TENM3: variants seen among roughly 807,000 people sequenced by gnomAD.
TENM3 encodes teneurin-3.
Under a neutral mutation model 255.1 loss-of-function variants are expected in TENM3, and 63 were observed. The ratio of observed to expected loss-of-function variants is 0.25; its 90% CI spans 0.20 to 0.30. The LOEUF is 0.30. TENM3 is among the 10% of genes least tolerant of loss of function. TENM3 has a pLI of 1.00. For missense variants in TENM3, 2,929 were observed against 3,461.1 expected, an observed-to-expected ratio of 0.85 and a Z score of 3.86; for synonymous variants, 1,306 against 1,322.3, an observed-to-expected ratio of 0.99 and a Z score of 0.27.
rs570179925 is a variant in TENM3 at position 182,401,964 on chromosome 4, A to G, written c.511+55035A>G. The stretch of plus-strand genomic sequence containing the variant: ...GACCCCTTTAGCTTTTGACCAGCCT[A>G]CTTCACTGTAAGTCTTCTTATCTGT... On this transcript the variant is annotated intron_variant, in intron 3 of 27. Coordinates refer to ENST00000511685, the MANE Select transcript of TENM3 (RefSeq NM_001080477.4). Among the ~76,000 whole-genome samples, 11 of 152,298 alleles carry G rather than the reference A, an allele frequency of 7.2e-5. No homozygotes were observed. In the East Asian group the frequency reaches 1.9e-3, roughly 27 times the overall value.
intron 25 of TENM3, among the ~76,000 whole-genome samples, chr4:182,791,642 G>A (rs560957920): frequency 6.6e-6 from 1 of 152,246 alleles, no homozygotes; most frequent in East Asian, 1.9e-4. Flanking sequence ...CAATTTGCCT[G>A]TATGTGTATA....
At chr4:182,398,882 A>C (rs2151018792) in intron 3 of TENM3, among the ~76,000 whole-genome samples, 1 of 152,294 alleles carries the variant, frequency 6.6e-6, no homozygotes, top group South Asian at 2.1e-4. Context: ...GTGATTTGGG[A>C]GTTAAAAAAT....
In TENM3 at chr4:182,403,595, CTTT is replaced by C. The variant is rs376602156; in HGVS notation, c.511+56668_511+56670del. On this transcript the variant is annotated intron_variant, in intron 3 of 27. Transcript: ENST00000511685. ...TCTATTCTTCTGCAAAGAAAATTAG[CTTT>C]TATCTGTTTTTCTAGAAGTAGTGAT... is the stretch of plus-strand genomic sequence containing the variant. 6.2e-3 allele frequency among the ~76,000 whole-genome samples: 945 copies of C among 152,248 alleles called. 9 individuals carry two copies. Among genetic ancestry groups the C allele is most frequent in the African/African-American group, 0.021 (867 of 41,538 alleles).
the TENM3 span, among the ~76,000 whole-genome samples, chr4:181,459,014 A>G: frequency 6.6e-6 from 1 of 151,938 alleles, no homozygotes; most frequent in African/African-American, 2.4e-5. Flanking sequence ...TGGCATTTGA[A>G]TGAGGAATAT....
chr4:182,172,641 G>A (rs1354515084), intron 1 of TENM3, among the ~76,000 whole-genome samples: 5 of 151,968 alleles, frequency 3.3e-5, no homozygotes, highest in Admixed American at 1.3e-4. Context: ...CTGAAAAACC[G>A]AGAAACTATA....
At chr4:181,482,340 C>T in the TENM3 span, among the ~76,000 whole-genome samples, 1 of 152,056 alleles carries the variant, frequency 6.6e-6, no homozygotes, top group Non-Finnish European at 1.5e-5. Context: ...TTCTGTTGGC[C>T]TTAACTTCCA....
chr4:181,546,377 A>AT, the TENM3 span, among the ~76,000 whole-genome samples: 2 of 152,254 alleles, frequency 1.3e-5, no homozygotes, highest in South Asian at 4.1e-4. Flanking sequence ...CATTAAACAC[A>AT]TTTATTATCA....
the TENM3 span, among the ~76,000 whole-genome samples, chr4:181,673,845 GGTGTGTGTGTGTGT>G: frequency 7.3e-5 from 10 of 137,428 alleles, no homozygotes; most frequent in East Asian, 2.1e-4. Flanking sequence ...AGAAGTGTGT[GGTGTGTGTGTGTGT>G]GTGTGTGTGT....
At chr4:182,194,374 T>G (rs1753710007) in intron 1 of TENM3, among the ~76,000 whole-genome samples, 1 of 152,184 alleles carries the variant, frequency 6.6e-6, no homozygotes, top group African/African-American at 2.4e-5. Context: ...ACCTTCGGTA[T>G]TTACACTAAT....
At chr4:181,814,335 C>T in the TENM3 span, among the ~76,000 whole-genome samples, 1 of 151,984 alleles carries the variant, frequency 6.6e-6, no homozygotes, top group African/African-American at 2.4e-5. Flanking sequence ...AAAATAGTAG[C>T]CATAAACCAG....
chr4:182,428,754 T>G (rs1489502353), intron 3 of TENM3, among the ~76,000 whole-genome samples: 2 of 152,268 alleles, frequency 1.3e-5, no homozygotes, highest in East Asian at 3.9e-4. Flanking sequence ...AAATACCTTA[T>G]TTTGTTAAAA....
the TENM3 span, among the ~76,000 whole-genome samples, chr4:181,466,100 G>A: frequency 6.9e-6 from 1 of 144,132 alleles, no homozygotes; most frequent in Non-Finnish European, 1.5e-5. Context: ...AGGAGCCTGA[G>A]TCTCCAGGAA....
chr4:181,933,194 A>G, the TENM3 span, among the ~76,000 whole-genome samples: 51 of 152,236 alleles, frequency 3.4e-4, no homozygotes, highest in African/African-American at 1.1e-3. Context: ...GTGTGACTGC[A>G]TGAACGTTTC....
chr4:182,770,196 C>A (rs950604842), intron 22 of TENM3, among the ~76,000 whole-genome samples: 1 of 151,468 alleles, frequency 6.6e-6, no homozygotes, highest in Non-Finnish European at 1.5e-5. Context: ...CCTTATGAAA[C>A]GATGGGAGTA....
the TENM3 span, among the ~76,000 whole-genome samples, chr4:181,805,284 T>C: frequency 6.6e-6 from 1 of 152,014 alleles, no homozygotes; most frequent in East Asian, 2.0e-4. Flanking sequence ...CGCTCCAGTC[T>C]CCCCTGTGAC....
chr4:182,190,444 C>T (rs1256461197), intron 1 of TENM3: 1 of 152,204 alleles, frequency 6.6e-6, no homozygotes, highest in Non-Finnish European at 1.5e-5. Context: ...TTTCTGGCTC[C>T]TCATTCAGTG....
chr4:181,588,439 A>G, the TENM3 span, among the ~76,000 whole-genome samples: 2 of 152,190 alleles, frequency 1.3e-5, no homozygotes, highest in African/African-American at 2.4e-5. Context: ...AGAGCAGGGG[A>G]AAAAAGTGAG....
intron 1 of TENM3, among the ~76,000 whole-genome samples, chr4:182,179,530 C>T (rs1752716036): frequency 6.6e-6 from 1 of 152,108 alleles, no homozygotes; most frequent in Admixed American, 6.5e-5. Context: ...TATAATAGAA[C>T]TAAAATTTTT....
At chr4:181,518,009 T>C in the TENM3 span, among the ~76,000 whole-genome samples, 1 of 152,086 alleles carries the variant, frequency 6.6e-6, no homozygotes. Context: ...AGTAATCTTG[T>C]TGTATTTGTG....
Sources: allele counts gnomAD v4.1 joint callset (sites outside exome capture counted in the v4.1 genomes callset), GRCh38; gene constraint gnomAD v4.1.1; transcripts MANE v1.5; gene names NCBI Gene and HGNC (gene_info 2026-07-23, HGNC 2026-07-21).